Variants in PPFIA1 observed in about 807,000 individuals in gnomAD.
The protein encoded by PPFIA1 is PPFI scaffold protein A1, also known as liprin-alpha-1.
A neutral mutation model predicts 149.9 loss-of-function variants in PPFIA1; 25 were observed. The observed-to-expected ratio is 0.17, with a 90% CI of 0.12 to 0.23. The LOEUF (loss-of-function observed/expected upper bound fraction) is 0.23. Ranked by LOEUF, PPFIA1 falls within the 10% of genes least tolerant of loss-of-function variation. The pLI is 1.00. For missense variants in PPFIA1, 1,362 were observed against 1,506.5 expected, an observed-to-expected ratio of 0.90 and a Z score of 1.59; for synonymous variants, 549 against 552.8, an observed-to-expected ratio of 0.99 and a Z score of 0.10.
At chr11:70,360,671 G>A (rs1402944302) in intron 19 of PPFIA1, among the ~76,000 whole-genome samples, 2 of 152,226 alleles carry the variant, frequency 1.3e-5, no homozygotes, top group Non-Finnish European at 2.9e-5. Flanking sequence ...CATGCAGCGC[G>A]CCCTTCCTCC....
Position 70,327,006 on chromosome 11 carries a change from T to G in PPFIA1, c.930+188T>G, listed in dbSNP as rs148278880. ...CCATAAGCTACCTCCCCATTTTTGT[T>G]GTGAAATCTCCTGTCCCTGAGCTCT... is the stretch of plus-strand genomic sequence containing the variant. On this transcript the variant is annotated intron_variant, in intron 7 of 27. Transcript: ENST00000253925. 26 of 581,310 alleles carry G rather than the reference T, an allele frequency of 4.5e-5. No individual in the cohort carries two copies. In the East Asian group the frequency reaches 7.8e-4, roughly 17 times the overall value. The allele number at this position is 581,310 out of a possible 1,614,324, so 36.0% of individuals were successfully genotyped here.
At chr11:70,300,983 A>G (rs2136344932) in intron 2 of PPFIA1, among the ~76,000 whole-genome samples, 1 of 152,300 alleles carries the variant, frequency 6.6e-6, no homozygotes, top group East Asian at 1.9e-4. Flanking sequence ...TCATGGGTTT[A>G]CTGTGTAAAC....
chr11:70,382,675 G>T (rs2057755161), intron 27 of PPFIA1, among the ~76,000 whole-genome samples: 1 of 152,236 alleles, frequency 6.6e-6, no homozygotes, highest in Admixed American at 6.5e-5. Context: ...GACTCTGGCT[G>T]GTGAGTGGCC....
chr11:70,331,467 T>C (rs1003376516), intron 8 of PPFIA1, among the ~76,000 whole-genome samples: 4 of 152,030 alleles, frequency 2.6e-5, no homozygotes, highest in African/African-American at 9.7e-5. Context: ...AAAGTGGGCA[T>C]GTACTCCTGG....
At chr11:70,311,237 G>C (rs1290287514) in intron 2 of PPFIA1, among the ~76,000 whole-genome samples, 1 of 151,992 alleles carries the variant, frequency 6.6e-6, no homozygotes, top group Non-Finnish European at 1.5e-5. Flanking sequence ...GAACCTGGAA[G>C]GTGGAGGTTG....
intron 8 of PPFIA1, among the ~76,000 whole-genome samples, chr11:70,331,464 G>A (rs1480617555): frequency 2.0e-5 from 3 of 152,072 alleles, no homozygotes; most frequent in African/African-American, 7.2e-5. Context: ...AGGAAAGTGG[G>A]CATGTACTCC....
chr11:70,343,980 A>T, intron 15 of PPFIA1, 88 bp downstream of exon 15: 1 of 1,146,794 alleles, frequency 8.7e-7, no homozygotes, highest in Non-Finnish European at 1.3e-6. Context: ...ATGAAATACT[A>T]TTAACATTTT....
At chr11:70,338,061 C>G (rs2055089847) in intron 12 of PPFIA1, among the ~76,000 whole-genome samples, 1 of 152,226 alleles carries the variant, frequency 6.6e-6, no homozygotes, top group African/African-American at 2.4e-5. Flanking sequence ...TGTTCCCCTT[C>G]TCCTCTAAAA....
At chr11:70,331,376 A>T (rs1290883435) in intron 8 of PPFIA1, among the ~76,000 whole-genome samples, 2 of 151,942 alleles carry the variant, frequency 1.3e-5, no homozygotes, top group African/African-American at 4.8e-5. Flanking sequence ...TAAACAAACA[A>T]AAAAAAAGCT....
chr11:70,373,880 G>A (rs1272975812), intron 23 of PPFIA1: 1 of 152,194 alleles, frequency 6.6e-6, no homozygotes, highest in Non-Finnish European at 1.5e-5. Context: ...GTGTGTATAT[G>A]TATGGACTTT....
chr11:70,339,870 G>A (rs984680551), intron 14 of PPFIA1, among the ~76,000 whole-genome samples: 1 of 152,068 alleles, frequency 6.6e-6, no homozygotes, highest in African/African-American at 2.4e-5. Flanking sequence ...CAAAAAATTA[G>A]CTCGGCACAG....
At position 70,383,708 on chromosome 11, in the gene PPFIA1, A is replaced by G. The variant is rs1299596466; in HGVS notation, c.*718A>G. On this transcript the variant is annotated 3_prime_UTR_variant, in exon 28 of 28. Coordinates refer to ENST00000253925, the MANE Select transcript of PPFIA1 (RefSeq NM_003626.5). ...GCACTGGTTAACGCTTTCCTAGCCT[A>G]GTCTCTGGATTTGGGGAGCTTGTCT... The G allele has an allele frequency of 6.6e-6, 1 of 152,512 alleles. No individual in the cohort carries two copies. The highest frequency in any genetic ancestry group is 1.5e-5 in the Non-Finnish European group (1 of 68,254). 9.4% of individuals were successfully genotyped at this position (152,512 alleles called of 1,614,324 possible).
chr11:70,364,299 A>G (rs1211894492), intron 21 of PPFIA1: 1 of 152,210 alleles, frequency 6.6e-6, no homozygotes, highest in East Asian at 1.9e-4. Context: ...AAGTCCCTCA[A>G]AGTCCTTAAG....
chr11:70,352,184 T>C (rs115650407), intron 16 of PPFIA1, among the ~76,000 whole-genome samples: 1,732 of 152,280 alleles, frequency 0.011, 36 homozygotes, highest in African/African-American at 0.04. Context: ...TGAAACTGCT[T>C]GGGTTCAGAT....
chr11:70,344,931 C>T (rs1476783352), intron 15 of PPFIA1, among the ~76,000 whole-genome samples: 8 of 152,204 alleles, frequency 5.3e-5, no homozygotes, highest in Admixed American at 1.3e-4. Context: ...AGGACAGTCC[C>T]GGCTCAATCT....
chr11:70,325,071 A>G lies in PPFIA1; in HGVS notation c.531+60A>G, dbSNP rs1365058732. 4.1e-6 allele frequency: 6 copies of G among 1,452,268 alleles called. No homozygotes were observed. The East Asian group carries it at 1.2e-4, about 30-fold the overall frequency. The allele number at this position is 1,452,268 out of a possible 1,614,324, so 90.0% of individuals were successfully genotyped here. A position where few individuals can be genotyped will look rare whatever the true frequency, so the allele number is the denominator to read the frequency against. Reference sequence around the variant, plus strand: ...ATGCTGTGTATTAGGCCAGCTTCACAAGTGTTGGTGTAACTTTTGTTTTTT... The same window carrying G: ...ATGCTGTGTATTAGGCCAGCTTCACGAGTGTTGGTGTAACTTTTGTTTTTT... On this transcript the variant is annotated intron_variant, in intron 4 of 27. Coordinates refer to ENST00000253925, the MANE Select transcript of PPFIA1 (RefSeq NM_003626.5).
intron 18 of PPFIA1, 83 bp downstream of exon 18, chr11:70,355,894 G>T (rs748599313): frequency 1.3e-6 from 2 of 1,505,132 alleles, no homozygotes; most frequent in Non-Finnish European, 1.8e-6. Flanking sequence ...TTCCCACGCG[G>T]TGCTCCAGGA....
Position 70,274,866 on chromosome 11 carries a change from G to A in PPFIA1, c.264+2430G>A, listed in dbSNP as rs1002000950. 7.2e-5 allele frequency among the ~76,000 whole-genome samples: 11 copies of A among 152,120 alleles called. No individual in the cohort carries two copies. In the South Asian group the frequency reaches 1.0e-3, roughly 14 times the overall value. ...CCCAAGTAGCTGGGAATACAGGCAC[G>A]CATCACCACCCTCCGCTAATTTTTG... is the stretch of plus-strand genomic sequence containing the variant. On this transcript the variant is annotated intron_variant, in intron 2 of 27. Transcript: ENST00000253925.
intron 2 of PPFIA1, among the ~76,000 whole-genome samples, chr11:70,289,967 C>G (rs1020573262): frequency 3.3e-5 from 5 of 152,168 alleles, no homozygotes; most frequent in Non-Finnish European, 7.3e-5. Context: ...CAGTGGCTCA[C>G]ACTTGTAATC....
Sources: allele counts gnomAD v4.1 joint callset (sites outside exome capture counted in the v4.1 genomes callset), GRCh38; gene constraint gnomAD v4.1.1; transcripts MANE v1.5; gene names NCBI Gene and HGNC (gene_info 2026-07-23, HGNC 2026-07-21).